WDR64: variants seen among roughly 807,000 people sequenced by gnomAD.
WDR64 encodes the protein WD repeat domain 64, also known as WD repeat-containing protein 64.
WDR64 carries 112 observed loss-of-function variants against 139.3 expected under a neutral mutation model. The observed-to-expected ratio is 0.80, with a 90% CI of 0.69 to 0.94. WDR64 has a LOEUF of 0.94. WDR64 is among the 40% of genes least tolerant of loss of function. The pLI is 0.00. For synonymous variants in WDR64, 444 were observed against 437.7 expected (o/e 1.01, Z -0.18); for missense variants, 1,206 against 1,293.1 (o/e 0.93, Z 1.03).
intron 3 of WDR64, among the ~76,000 whole-genome samples, chr1:241,671,677 G>A (rs1227625772): frequency 6.6e-6 from 1 of 152,176 alleles, no homozygotes; most frequent in Non-Finnish European, 1.5e-5. Context: ...TCTAATGTAT[G>A]TGTTCTTCAT....
chr1:241,780,053 T>C lies in WDR64; in HGVS notation c.2586T>C (p.His862=). Reference sequence around the variant, plus strand: ...TTAGCTCTTTCCTGGATCCACCTCATGATGAAAAGGTAAGAACTTCAGTTT... The same window carrying C: ...TTAGCTCTTTCCTGGATCCACCTCACGATGAAAAGGTAAGAACTTCAGTTT... The part of the protein sequence containing the change: ...CNISSFLDPP[H]DEKKFKQLLS... Residue 862 remains histidine (H), a synonymous_variant, in exon 22 of 28, where the codon CAT becomes CAC. Transcript: ENST00000437684. 2 of 1,587,332 alleles carry C rather than the reference T, an allele frequency of 1.3e-6. No homozygotes were observed. The highest frequency in any genetic ancestry group is 1.7e-6 in the Non-Finnish European group (2 of 1,172,824).
chr1:241,769,936 C>A (rs921891828), intron 17 of WDR64, among the ~76,000 whole-genome samples: 2 of 152,222 alleles, frequency 1.3e-5, no homozygotes, highest in Non-Finnish European at 2.9e-5. Context: ...GAGCAATTGT[C>A]ATCCATTTCT....
At chr1:241,759,954 A>C (rs953966448) in intron 15 of WDR64, among the ~76,000 whole-genome samples, 1 of 152,190 alleles carries the variant, frequency 6.6e-6, no homozygotes, top group Non-Finnish European at 1.5e-5. Flanking sequence ...GATCTCATAT[A>C]AGCAGAAACA....
Position 241,790,634 on chromosome 1 carries a change from C to T in WDR64, c.2935C>T (p.Pro979Ser), listed in dbSNP as rs769932591. 4 of 1,612,366 alleles carry T rather than the reference C, an allele frequency of 2.5e-6. No individual in the cohort carries two copies. Among genetic ancestry groups the T allele is most frequent in the East Asian group, 4.5e-5 (2 of 44,818 alleles). Reference sequence around the variant, plus strand: ...AGTGTCTCTACTTTTCAAACGCACACCTCCCAAGGCCTTTGAAGTGGAACA... The same window carrying T: ...AGTGTCTCTACTTTTCAAACGCACATCTCCCAAGGCCTTTGAAGTGGAACA... ...SSVSLLFKRT[P>S]PKAFEVEQDF... The change falls in exon 25 of 28, where the codon CCT becomes TCT. Residue 979 changes from proline (P) to serine (S), a missense_variant. By Grantham distance (74) the Pro-to-Ser change is moderately conservative. Coordinates refer to ENST00000437684, the MANE Select transcript of WDR64 (RefSeq NM_001367482.1).
At chr1:241,710,498 G>A (rs533821048) in intron 8 of WDR64, among the ~76,000 whole-genome samples, 6 of 88,034 alleles carry the variant, frequency 6.8e-5, no homozygotes, top group South Asian at 3.9e-4. Flanking sequence ...GGGAGAATAA[G>A]ACAAAAGACA....
chr1:241,703,693 T>G lies in WDR64; in HGVS notation c.975-8109T>G, dbSNP rs1054993841. 6.6e-6 allele frequency among the ~76,000 whole-genome samples: 1 copy of G among 152,152 alleles called. No homozygotes were observed. On this transcript the variant is annotated intron_variant, in intron 8 of 27. Coordinates refer to ENST00000437684, the MANE Select transcript of WDR64 (RefSeq NM_001367482.1). The surrounding 1 kb of genome is among the most constrained non-coding windows in gnomAD (Gnocchi z 5.9). ...TATTCAAAGAACCGTTGTGTATTAA[T>G]CCATTTTCACACTGCTATAAAGATA...
At chr1:241,796,450 G>T in intron 27 of WDR64, 80 bp downstream of exon 27, 4 of 944,734 alleles carry the variant, frequency 4.2e-6, no homozygotes, top group Middle Eastern at 2.3e-4. Flanking sequence ...ATATGTCTCT[G>T]CTTTCAGAAA....
At chr1:241,767,354 A>G (rs1553378932) in intron 16 of WDR64, among the ~76,000 whole-genome samples, 1 of 145,338 alleles carries the variant, frequency 6.9e-6, no homozygotes, top group Non-Finnish European at 1.5e-5. Flanking sequence ...TTTTTTTTGC[A>G]TTTGTTGAGA....
At chr1:241,683,115 C>A (rs1316916572) in intron 6 of WDR64, among the ~76,000 whole-genome samples, 1 of 152,122 alleles carries the variant, frequency 6.6e-6, no homozygotes, top group Non-Finnish European at 1.5e-5. Context: ...TTTGATTTTC[C>A]TGTTTGCCAC....
chr1:241,769,818 T>A (rs563649225), intron 17 of WDR64, among the ~76,000 whole-genome samples: 1 of 152,226 alleles, frequency 6.6e-6, no homozygotes, highest in South Asian at 2.1e-4. Context: ...ATCACTTGGC[T>A]TTACTTTTCG....
chr1:241,732,155 T>C (rs1035247482), intron 10 of WDR64, among the ~76,000 whole-genome samples: 1 of 152,200 alleles, frequency 6.6e-6, no homozygotes, highest in Non-Finnish European at 1.5e-5. Flanking sequence ...ATTCTGACTT[T>C]CCTTTACAAT....
rs145843472 is a variant in WDR64, at chr1:241,723,340, C to A, written c.1098C>A (p.Thr366=). The A allele has an allele frequency of 6.2e-7, 1 of 1,613,848 alleles. No homozygotes were observed. Among genetic ancestry groups the A allele is most frequent in the South Asian group, 1.1e-5 (1 of 91,034 alleles). ...VIRLWHPNIS[T]KPVGKLVGHM... ...GGTTGTGGCACCCCAATATCAGCAC[C>A]AAGCCAGTAGGGAAACTTGTAGGAC... The change falls in exon 10 of 28, where the codon ACC becomes ACA. Residue 366 remains threonine, a synonymous_variant. Coordinates refer to ENST00000437684, the MANE Select transcript of WDR64 (RefSeq NM_001367482.1).
At chr1:241,767,991 C>A (rs1489106449) in intron 16 of WDR64, among the ~76,000 whole-genome samples, 1 of 152,184 alleles carries the variant, frequency 6.6e-6, no homozygotes, top group Non-Finnish European at 1.5e-5. Context: ...CTTGCTAATG[C>A]TTTCACGCTG....
At chr1:241,783,525 A>T (rs1658924025) in intron 23 of WDR64, 144 bp downstream of exon 23, 1 of 629,710 alleles carries the variant, frequency 1.6e-6, no homozygotes, top group Non-Finnish European at 2.6e-6. Context: ...ACACAAAAGG[A>T]CTTTGAAAAG....
intron 26 of WDR64, 46 bp downstream of exon 26, chr1:241,795,333 A>T: frequency 2.0e-6 from 3 of 1,529,656 alleles, no homozygotes; most frequent in Non-Finnish European, 2.7e-6. Flanking sequence ...AACAGTAGAG[A>T]ATCTGCCATC....
At chr1:241,714,126 G>A (rs368918775) in intron 9 of WDR64, among the ~76,000 whole-genome samples, 1 of 152,196 alleles carries the variant, frequency 6.6e-6, no homozygotes, top group African/African-American at 2.4e-5. Context: ...TCTGGGAGAA[G>A]ATGAGCTCCC....
chr1:241,678,087 G>T, intron 4 of WDR64, 100 bp from the exon 5 acceptor site: 1 of 397,864 alleles, frequency 2.5e-6, no homozygotes, highest in South Asian at 1.3e-4. Context: ...AATGACAACT[G>T]AGATTAAACC....
At position 241,678,860 on chromosome 1, in the gene WDR64, GAAA is replaced by G. The variant is rs58075238; in HGVS notation, c.514-600_514-598del. 2.2e-3 allele frequency among the ~76,000 whole-genome samples: 74 copies of G among 33,618 alleles called. 1 individual carries two copies. Among genetic ancestry groups the G allele is most frequent in the African/African-American group, 7.5e-3 (61 of 8,124 alleles). The allele number at this position is 33,618 out of a possible 152,430, so 22.1% of individuals were successfully genotyped here. ...CTTCTGAACCTCCATTTCTTAAACT[GAAA>G]AAAAAAAAAAAAAAAAAAAAAAAAG... On this transcript the variant is annotated intron_variant, in intron 5 of 27. Transcript: ENST00000437684.
In WDR64 at chr1:241,652,444, G is replaced by T. The variant is rs1234924207; in HGVS notation, c.-41G>T. On this transcript the variant is annotated 5_prime_UTR_variant, in exon 1 of 28. Transcript: ENST00000437684. ...AGTTTTCCAAATTGGTAAACTTGCA[G>T]TATTCTTTCTGTACAGAAGTAAAAG... 4 of 1,529,672 alleles carry T rather than the reference G, an allele frequency of 2.6e-6. No homozygotes were observed. In the Admixed American group the frequency reaches 8.7e-5, roughly 33 times the overall value. 94.8% of individuals were successfully genotyped at this position (1,529,672 alleles called of 1,614,324 possible).
Sources: allele counts gnomAD v4.1 joint callset (sites outside exome capture counted in the v4.1 genomes callset), GRCh38; gene constraint gnomAD v4.1.1; non-coding constraint Gnocchi (gnomAD v3.1); transcripts MANE v1.5; gene names NCBI Gene and HGNC (gene_info 2026-07-23, HGNC 2026-07-21).